BMPER: variants seen among roughly 807,000 people sequenced by gnomAD.
BMPER encodes BMP binding endothelial regulator.
A neutral mutation model predicts 87.3 loss-of-function variants in BMPER; 45 were observed. The observed-to-expected ratio is 0.52, with a 90% CI of 0.41 to 0.66. The LOEUF (loss-of-function observed/expected upper bound fraction) is 0.66, where lower values mean the gene tolerates loss of function less well. Among genes scored for constraint, BMPER ranks in the 30% least tolerant of loss-of-function variants. The pLI, the probability that BMPER is intolerant of heterozygous loss-of-function variation, is 0.00. For missense variants in BMPER, 784 were observed against 867.5 expected, an observed-to-expected ratio of 0.90 and a Z score of 1.21; for synonymous variants, 326 against 316.2, an observed-to-expected ratio of 1.03 and a Z score of -0.33.
chr7:34,029,167 G>T (rs760881770), intron 6 of BMPER, among the ~76,000 whole-genome samples: 6 of 152,026 alleles, frequency 3.9e-5, no homozygotes, highest in Non-Finnish European at 8.8e-5. Context: ...ACTGGGATAT[G>T]GTGGTGAGCA....
In BMPER at chr7:33,925,337, C is replaced by T. The variant is rs976175162; in HGVS notation, c.220-11952C>T. On this transcript the variant is annotated intron_variant, in intron 2 of 14. Transcript: ENST00000649409. ...TTCGGTCATGATGACTTGCCCTTTT[C>T]GTAGCTTACATTATTTTGGGTATCA... Among the ~76,000 whole-genome samples, 9 of 152,150 alleles carry T rather than the reference C, an allele frequency of 5.9e-5. No homozygotes were observed. In the South Asian group the frequency reaches 8.3e-4, roughly 14 times the overall value.
chr7:34,083,920 G>A (rs1018116749), intron 12 of BMPER, among the ~76,000 whole-genome samples: 2 of 151,096 alleles, frequency 1.3e-5, no homozygotes, highest in African/African-American at 4.9e-5. Flanking sequence ...CCTTTTAGGA[G>A]GAAAGTCATT....
intron 6 of BMPER, among the ~76,000 whole-genome samples, chr7:34,018,570 C>T (rs751839933): frequency 2.6e-5 from 4 of 151,932 alleles, no homozygotes; most frequent in Non-Finnish European, 5.9e-5. Flanking sequence ...CAAGACGAGT[C>T]GGCTGTGTCC....
chr7:33,982,375 A>C (rs1399709666), intron 6 of BMPER, among the ~76,000 whole-genome samples: 2 of 152,204 alleles, frequency 1.3e-5, no homozygotes, highest in Non-Finnish European at 2.9e-5. Flanking sequence ...TGGGCAGTTC[A>C]TCTAACTAGT....
intron 6 of BMPER, among the ~76,000 whole-genome samples, chr7:34,009,905 C>T (rs951534992): frequency 1.3e-5 from 2 of 151,832 alleles, no homozygotes; most frequent in South Asian, 2.1e-4. Context: ...AGAAAGTGAC[C>T]GTCTTATATT....
intron 14 of BMPER, among the ~76,000 whole-genome samples, chr7:34,144,163 G>A (rs1790956209): frequency 6.6e-6 from 1 of 152,108 alleles, no homozygotes; most frequent in East Asian, 1.9e-4. Context: ...GGAGTGAAGG[G>A]AGTGAGGGCA....
At chr7:33,906,959 C>T (rs2128600360) in intron 2 of BMPER, 56 bp downstream of exon 2, 3 of 1,437,924 alleles carry the variant, frequency 2.1e-6, no homozygotes, top group Non-Finnish European at 2.9e-6. Context: ...TAAGGTGAAT[C>T]CATTAAATGT....
At chr7:34,059,826 C>T (rs1788388026) in intron 10 of BMPER, among the ~76,000 whole-genome samples, 1 of 150,800 alleles carries the variant, frequency 6.6e-6, no homozygotes. Context: ...TTCTCTTTTT[C>T]CAGATGTAAA....
At chr7:34,120,688 G>A (rs1406400944) in intron 13 of BMPER, among the ~76,000 whole-genome samples, 2 of 152,194 alleles carry the variant, frequency 1.3e-5, no homozygotes, top group Admixed American at 6.5e-5. Flanking sequence ...GAGAGCCGCT[G>A]TGCCCGGCCA....
chr7:33,950,675 C>T (rs1051580788), intron 3 of BMPER, among the ~76,000 whole-genome samples: 1 of 152,116 alleles, frequency 6.6e-6, no homozygotes, highest in African/African-American at 2.4e-5. Flanking sequence ...AGGATAATAA[C>T]TCAAGTTACA....
intron 2 of BMPER, among the ~76,000 whole-genome samples, chr7:33,928,431 G>C (rs757923317): frequency 6.6e-6 from 1 of 151,960 alleles, no homozygotes; most frequent in Non-Finnish European, 1.5e-5. Context: ...AACAGGCAGT[G>C]CTACTCTCTT....
chr7:34,018,199 G>A (rs1278392153), intron 6 of BMPER, among the ~76,000 whole-genome samples: 2 of 151,890 alleles, frequency 1.3e-5, no homozygotes, highest in East Asian at 3.9e-4. Context: ...ATAATGGTTT[G>A]AAGGCTCTAA....
intron 2 of BMPER, among the ~76,000 whole-genome samples, chr7:33,916,069 CA>C (rs1489322339): frequency 1.3e-5 from 2 of 152,158 alleles, no homozygotes; most frequent in African/African-American, 4.8e-5. Context: ...CTGCCTTTGC[CA>C]TACTTTAAAT....
intron 6 of BMPER, among the ~76,000 whole-genome samples, chr7:34,006,562 T>G (rs1786738865): frequency 6.6e-6 from 1 of 152,088 alleles, no homozygotes; most frequent in African/African-American, 2.4e-5. Flanking sequence ...TTATATTCTC[T>G]CTTGGGTGAA....
chr7:33,920,446 G>A (rs1053476336), intron 2 of BMPER, among the ~76,000 whole-genome samples: 12 of 45,822 alleles, frequency 2.6e-4, no homozygotes. Context: ...TTTTTTTTGA[G>A]ACAGAGTCTT....
chr7:34,049,818 T>C (rs1046377082), intron 7 of BMPER, among the ~76,000 whole-genome samples: 1 of 152,216 alleles, frequency 6.6e-6, no homozygotes, highest in African/African-American at 2.4e-5. Context: ...CAGAAATATA[T>C]CTCTGATGGA....
chr7:33,936,526 C>A (rs1784606996), intron 2 of BMPER, among the ~76,000 whole-genome samples: 1 of 152,208 alleles, frequency 6.6e-6, no homozygotes, highest in African/African-American at 2.4e-5. Flanking sequence ...CTTGATAAAT[C>A]TCACATTTTG....
Position 34,094,575 on chromosome 7 carries a change from G to T in BMPER, c.1745+8483G>T, listed in dbSNP as rs115559849. Among the ~76,000 whole-genome samples, 995 of 152,326 alleles carry T rather than the reference G, an allele frequency of 6.5e-3. 17 individuals carry two copies. The highest frequency in any genetic ancestry group is 0.023 in the African/African-American group (936 of 41,578). On this transcript the variant is annotated intron_variant, in intron 13 of 14. Coordinates refer to ENST00000649409, the MANE Select transcript of BMPER (RefSeq NM_001365308.1). ...TAGAAAAGGACAAGTACAATGGTAC[G>T]AATGAGTGTGGTACAGGTGTCAAGT...
intron 3 of BMPER, among the ~76,000 whole-genome samples, chr7:33,950,132 A>T (rs1784985189): frequency 6.6e-6 from 1 of 152,118 alleles, no homozygotes; most frequent in East Asian, 1.9e-4. Flanking sequence ...TTTAAGTTAG[A>T]AGATTAGATT....
Sources: allele counts gnomAD v4.1 joint callset (sites outside exome capture counted in the v4.1 genomes callset), GRCh38; gene constraint gnomAD v4.1.1; transcripts MANE v1.5; gene names NCBI Gene and HGNC (gene_info 2026-07-23, HGNC 2026-07-21).